The following FANCM variants were observed in gnomAD, a reference collection of about 807,000 sequenced individuals.
FANCM encodes Fanconi anemia group M protein.
FANCM carries 140 observed loss-of-function variants against 199.5 expected under a neutral mutation model. The observed-to-expected ratio is 0.70, with a 90% CI of 0.61 to 0.81. FANCM has a LOEUF of 0.81. FANCM is among the 30% of genes least tolerant of loss of function. The pLI, the probability that FANCM is intolerant of heterozygous loss-of-function variation, is 0.00. For synonymous variants in FANCM, 840 were observed against 836.8 expected (o/e 1.00, Z -0.07); for missense variants, 2,410 against 2,421.4 (o/e 1.00, Z 0.10).
intron 10 of FANCM, among the ~76,000 whole-genome samples, chr14:45,165,051 G>A (rs1239640696): frequency 1.3e-5 from 2 of 152,134 alleles, no homozygotes; most frequent in African/African-American, 4.8e-5. Flanking sequence ...GAAGTTTGCT[G>A]ATGCCTATTT....
intron 20 of FANCM, among the ~76,000 whole-genome samples, chr14:45,189,829 G>A (rs978291536): frequency 4.7e-4 from 72 of 152,062 alleles, no homozygotes; most frequent in African/African-American, 1.7e-3. Flanking sequence ...TCAGCCAGGT[G>A]TGGTTGCGTA....
rs551020803 is a variant in FANCM, at chr14:45,186,631, G to T, written c.4673-1150G>T. ...AATGCTGATATAATTTGTATAATTT[G>T]CAGGATAAGGTTTTATGTCCTTGAT... is the stretch of plus-strand genomic sequence containing the variant. On this transcript the variant is annotated intron_variant, in intron 18 of 22. Transcript: ENST00000267430. 1.1e-4 allele frequency among the ~76,000 whole-genome samples: 17 copies of T among 152,302 alleles called. No homozygotes were observed. In the South Asian group the frequency reaches 3.5e-3, roughly 32 times the overall value.
intron 8 of FANCM, among the ~76,000 whole-genome samples, chr14:45,158,502 G>A (rs373911700): frequency 2.0e-5 from 3 of 151,758 alleles, no homozygotes; most frequent in South Asian, 2.1e-4. Flanking sequence ...TTCTGCAGTT[G>A]TCTTTGGAGA....
intron 3 of FANCM, among the ~76,000 whole-genome samples, chr14:45,142,333 G>T (rs1886031583): frequency 6.9e-6 from 1 of 145,602 alleles, no homozygotes; most frequent in Non-Finnish European, 1.5e-5. Context: ...TTGAGACGAA[G>T]TCTCGCACTG....
intron 10 of FANCM, 30 bp from the exon 11 acceptor site, chr14:45,166,920 T>A: frequency 8.5e-7 from 1 of 1,172,782 alleles, no homozygotes; most frequent in Middle Eastern, 2.2e-4. Flanking sequence ...AAAAGTAATA[T>A]AATCTGACAT....
At chr14:45,165,505 A>G (rs1887907580) in intron 10 of FANCM, among the ~76,000 whole-genome samples, 1 of 152,134 alleles carries the variant, frequency 6.6e-6, no homozygotes, top group Admixed American at 6.5e-5. Flanking sequence ...CCAAGATCCC[A>G]CCACTGCACT....
At chr14:45,157,701 G>C (rs1887295420) in intron 8 of FANCM, among the ~76,000 whole-genome samples, 1 of 152,170 alleles carries the variant, frequency 6.6e-6, no homozygotes, top group African/African-American at 2.4e-5. Flanking sequence ...TTGATGCAAT[G>C]ATGATTCAAA....
intron 9 of FANCM, among the ~76,000 whole-genome samples, chr14:45,162,738 G>A (rs1439625449): frequency 6.6e-6 from 1 of 152,074 alleles, no homozygotes; most frequent in East Asian, 1.9e-4. Context: ...ATATTCAATG[G>A]CAAATTAATA....
At chr14:45,194,079 A>G (rs1254425232) in intron 20 of FANCM, among the ~76,000 whole-genome samples, 1 of 152,108 alleles carries the variant, frequency 6.6e-6, no homozygotes, top group African/African-American at 2.4e-5. Flanking sequence ...AGGTGGGTGG[A>G]TCACCTGAGG....
chr14:45,136,988 C>G, intron 1 of FANCM, 81 bp from the exon 2 acceptor site: 1 of 1,040,390 alleles, frequency 9.6e-7, no homozygotes, highest in South Asian at 1.3e-5. Flanking sequence ...AGCATGTTTG[C>G]ATTCTGAAAA....
rs766031579 is a variant in FANCM, at chr14:45,198,750, C to G, written c.5823C>G (p.Thr1941=). 1.2e-6 allele frequency: 2 copies of G among 1,613,890 alleles called. No individual in the cohort carries two copies. Among genetic ancestry groups the G allele is most frequent in the Admixed American group, 1.7e-5 (1 of 59,990 alleles). The change falls in exon 22 of 23, where the codon ACC becomes ACG. Residue 1941 remains threonine (T), a synonymous_variant. Coordinates refer to ENST00000267430, the MANE Select transcript of FANCM (RefSeq NM_020937.4). ...TTTTCAGTTCCTGCCAAGAAGAAAC[C>G]GCAGATTTGCTAAAGGAACTGTCTT... ...RILFSSCQEE[T]ADLLKELSLV... is the part of the protein sequence containing the mutation.
intron 9 of FANCM, among the ~76,000 whole-genome samples, chr14:45,161,357 T>C (rs1044114824): frequency 1.1e-4 from 16 of 152,150 alleles, no homozygotes; most frequent in African/African-American, 1.9e-4. Context: ...TCAGAAGAAA[T>C]TGGGGGGGCC....
At chr14:45,140,513 A>G in intron 2 of FANCM, 119 bp from the exon 3 acceptor site, 1 of 702,536 alleles carries the variant, frequency 1.4e-6, no homozygotes, top group South Asian at 1.5e-5. Flanking sequence ...CACTCACTAG[A>G]CCATCAATAT....
chr14:45,199,290 A>AAG (rs1221604987), intron 22 of FANCM, among the ~76,000 whole-genome samples: 2 of 152,200 alleles, frequency 1.3e-5, no homozygotes, highest in African/African-American at 2.4e-5. Flanking sequence ...ATATTGCTTG[A>AAG]AGAGGGAGAT....
chr14:45,175,143 C>T lies in FANCM; in HGVS notation c.2389C>T (p.Pro797Ser), dbSNP rs144771929. The T allele has an allele frequency of 6.2e-7, 1 of 1,611,220 alleles. No homozygotes were observed. Among genetic ancestry groups the T allele is most frequent in the Admixed American group, 1.7e-5 (1 of 59,870 alleles). ...AGATGTTACCTCAACATTTATTGCTCCCAGGAATGAATCTAATAATCTTGC... is the reference window on the plus strand; with the variant it reads ...AGATGTTACCTCAACATTTATTGCTTCCAGGAATGAATCTAATAATCTTGC... ...MEDVTSTFIA[P>S]RNESNNLASD... Residue 797 changes from proline to serine, a missense_variant, in exon 14 of 23, where the codon CCC becomes TCC. By Grantham distance (74) the Pro-to-Ser change is moderately conservative. Coordinates refer to ENST00000267430, the MANE Select transcript of FANCM (RefSeq NM_020937.4).
chr14:45,148,234 C>CACACACAA (rs1234378997), intron 3 of FANCM, among the ~76,000 whole-genome samples: 1 of 150,188 alleles, frequency 6.7e-6, no homozygotes, highest in Non-Finnish European at 1.5e-5. Context: ...CACACACACA[C>CACACACAA]AAAACAACTT....
At chr14:45,147,904 C>T (rs565475110) in intron 3 of FANCM, among the ~76,000 whole-genome samples, 2 of 149,712 alleles carry the variant, frequency 1.3e-5, no homozygotes, top group Admixed American at 6.7e-5. Context: ...ACCGCCCCCC[C>T]CCCAAAAAAA....
intron 20 of FANCM, chr14:45,195,413 T>G: frequency 2.5e-6 from 1 of 406,564 alleles, no homozygotes; most frequent in Non-Finnish European, 4.9e-6. Flanking sequence ...TTTTCCTTTC[T>G]GTTTTTATGG....
intron 20 of FANCM, among the ~76,000 whole-genome samples, chr14:45,190,038 A>G (rs1889670663): frequency 6.6e-6 from 1 of 151,220 alleles, no homozygotes; most frequent in African/African-American, 2.4e-5. Context: ...GGCTTTGGGT[A>G]TGTAAGTCCT....
Sources: allele counts gnomAD v4.1 joint callset (sites outside exome capture counted in the v4.1 genomes callset), GRCh38; gene constraint gnomAD v4.1.1; transcripts MANE v1.5; gene names NCBI Gene and HGNC (gene_info 2026-07-23, HGNC 2026-07-21).